The following PHEX variants were observed in gnomAD, a reference collection of about 807,000 sequenced individuals.
The protein encoded by PHEX is phosphate-regulating neutral endopeptidase PHEX.
PHEX carries 16 observed loss-of-function variants against 68.0 expected under a neutral mutation model. The observed-to-expected ratio is 0.24, with a 90% CI of 0.16 to 0.36. The LOEUF is 0.36. Ranked by LOEUF, PHEX falls within the 10% of genes least tolerant of loss-of-function variation. The pLI, the probability that PHEX is intolerant of heterozygous loss-of-function variation, is 1.00. For missense variants in PHEX, 480 were observed against 575.5 expected (o/e 0.83, Z 1.70); for synonymous variants, 208 against 205.1 (o/e 1.01, Z -0.12).
At chrX:22,053,781 A>T (rs1298852209) in intron 3 of PHEX, among the ~76,000 whole-genome samples, 1 of 112,148 alleles carries the variant, frequency 8.9e-6, no homozygotes, top group Non-Finnish European at 1.9e-5. Flanking sequence ...AATGCAATAT[A>T]TTATTTTCAA....
At chrX:22,171,206 A>C (rs751551283) in intron 13 of PHEX, 2 of 111,314 alleles carry the variant, frequency 1.8e-5, no homozygotes, top group Admixed American at 1.9e-4. Context: ...ATCATGGCGG[A>C]AAGTGAAGGG....
At chrX:22,059,395 G>A (rs778057798) in intron 3 of PHEX, among the ~76,000 whole-genome samples, 194 of 112,136 alleles carry the variant, frequency 1.7e-3, no homozygotes, top group Non-Finnish European at 3.2e-3. Context: ...TTATGTACAC[G>A]TATCACTACT....
At chrX:22,195,681 G>A (rs150175605) in intron 15 of PHEX, among the ~76,000 whole-genome samples, 5,192 of 111,245 alleles carry the variant, frequency 0.047, 111 homozygotes, top group Non-Finnish European at 0.057. Flanking sequence ...AAAGAAGCCA[G>A]GTGTAAGACT....
intron 15 of PHEX, among the ~76,000 whole-genome samples, chrX:22,211,702 T>G (rs1312778146): frequency 8.9e-6 from 1 of 112,473 alleles, no homozygotes; most frequent in African/African-American, 3.2e-5. Context: ...ATAAGTCTGT[T>G]CTCACACTGC....
chrX:22,247,691 T>C (rs1171508269), intron 21 of PHEX, among the ~76,000 whole-genome samples, 160 bp from the exon 22 acceptor site: 1 of 112,233 alleles, frequency 8.9e-6, no homozygotes, highest in African/African-American at 3.2e-5. Flanking sequence ...GTTAATTTTT[T>C]CTGGAAATTT....
chrX:22,098,632 C>CAA (rs778559963), intron 8 of PHEX, among the ~76,000 whole-genome samples: 6,744 of 70,133 alleles, frequency 0.096, 533 homozygotes, highest in African/African-American at 0.24. Context: ...ACTAAAAATA[C>CAA]AAAAAAAAAA....
chrX:22,183,825 T>A (rs1210872057), intron 14 of PHEX, among the ~76,000 whole-genome samples: 1 of 111,998 alleles, frequency 8.9e-6, no homozygotes, highest in Non-Finnish European at 1.9e-5. Flanking sequence ...AGTCTAATTG[T>A]TTGATTTCAA....
chrX:22,142,567 A>G (rs753731603), intron 12 of PHEX, among the ~76,000 whole-genome samples: 4 of 112,297 alleles, frequency 3.6e-5, no homozygotes, highest in African/African-American at 1.3e-4. Flanking sequence ...CATGCTCAAA[A>G]AAAGGGAATT....
At chrX:22,209,323 C>G (rs1234418415) in intron 15 of PHEX, among the ~76,000 whole-genome samples, 1 of 110,668 alleles carries the variant, frequency 9.0e-6, no homozygotes, top group African/African-American at 3.3e-5. Context: ...CCAAATTTTC[C>G]CCCAGTGTAT....
chrX:22,153,975 C>T (rs1182670990), intron 12 of PHEX, among the ~76,000 whole-genome samples: 1 of 111,213 alleles, frequency 9.0e-6, no homozygotes, highest in Non-Finnish European at 1.9e-5. Context: ...ATATTTATAT[C>T]ACGACTTACA....
chrX:22,059,984 T>A (rs1481714983), intron 3 of PHEX, among the ~76,000 whole-genome samples: 1 of 110,845 alleles, frequency 9.0e-6, no homozygotes, highest in African/African-American at 3.3e-5. Context: ...GTGCTTATCA[T>A]GAAAGCAGGG....
intron 3 of PHEX, among the ~76,000 whole-genome samples, chrX:22,056,801 A>ATAATAC (rs1178863518): frequency 9.7e-6 from 1 of 103,338 alleles, no homozygotes; most frequent in Non-Finnish European, 1.9e-5. Flanking sequence ...AATAATAATA[A>ATAATAC]TAATGTCCCC....
intron 9 of PHEX, among the ~76,000 whole-genome samples, chrX:22,109,861 C>G (rs894366772): frequency 1.8e-5 from 2 of 111,822 alleles, no homozygotes; most frequent in Non-Finnish European, 3.8e-5. Flanking sequence ...TGAGGTTGTT[C>G]ATACATTTGG....
At chrX:22,182,491 A>G (rs1933910675) in intron 14 of PHEX, among the ~76,000 whole-genome samples, 1 of 110,960 alleles carries the variant, frequency 9.0e-6, no homozygotes, top group Non-Finnish European at 1.9e-5. Flanking sequence ...AGGCAATTCA[A>G]GACTGGCTTT....
chrX:22,131,299 C>G (rs1476289344), intron 11 of PHEX, among the ~76,000 whole-genome samples: 1 of 112,019 alleles, frequency 8.9e-6, no homozygotes, highest in African/African-American at 3.2e-5. Flanking sequence ...CCTCAGCCTC[C>G]CAAAGTGCTG....
intron 13 of PHEX, among the ~76,000 whole-genome samples, chrX:22,168,849 ACT>A: frequency 9.0e-6 from 1 of 111,481 alleles, no homozygotes. Flanking sequence ...TATACATACG[ACT>A]CTATAATTTA....
chrX:22,106,792 A>AAAC (rs1556028248), intron 9 of PHEX, among the ~76,000 whole-genome samples: 1 of 108,016 alleles, frequency 9.3e-6, no homozygotes, highest in Non-Finnish European at 1.9e-5. Flanking sequence ...AAAAAAAAAA[A>AAAC]AAAACCAAAT....
At chrX:22,098,795 C>CAAAAAAAAAAAAAAAAAAAA (rs746223770) in intron 8 of PHEX, among the ~76,000 whole-genome samples, 1 of 11,364 alleles carries the variant, frequency 8.8e-5, no homozygotes, top group African/African-American at 2.2e-4. Context: ...GAGAATGTCT[C>CAAAAAAAAAAAAAAAAAAAA]AAAAAAAAAA....
At chrX:22,222,957 T>TTAAG (rs1198197368) in intron 18 of PHEX, among the ~76,000 whole-genome samples, 2 of 111,904 alleles carry the variant, frequency 1.8e-5, no homozygotes, top group African/African-American at 3.3e-5. Flanking sequence ...GGTTCTTATT[T>TTAAG]TAAGTTCATT....
Sources: gnomAD v4.1 joint callset for allele counts (sites outside exome capture counted in the v4.1 genomes callset) on GRCh38, gnomAD v4.1.1 for gene constraint, MANE v1.5 for transcripts, NCBI Gene and HGNC (gene_info 2026-07-23, HGNC 2026-07-21) for gene names.